Variants in KIAA1217 observed in about 807,000 individuals in gnomAD.
KIAA1217 encodes the protein KIAA1217, also known as sickle tail protein homolog.
A neutral mutation model predicts 163.9 loss-of-function variants in KIAA1217; 88 were observed. The ratio of observed to expected loss-of-function variants is 0.54; its 90% CI spans 0.45 to 0.64. The LOEUF (loss-of-function observed/expected upper bound fraction) is 0.64. KIAA1217 is among the 30% of genes least tolerant of loss of function. The probability of loss-of-function intolerance (pLI) is 0.00; values close to 1 mark genes in which losing one functional copy is unlikely to be tolerated. For missense variants in KIAA1217, 2,372 were observed against 2,475.0 expected (o/e 0.96, Z 0.88); for synonymous variants, 903 against 923.1 (o/e 0.98, Z 0.39).
chr10:24,458,044 G>A (rs2061986368), intron 5 of KIAA1217, among the ~76,000 whole-genome samples: 1 of 152,184 alleles, frequency 6.6e-6, no homozygotes, highest in Non-Finnish European at 1.5e-5. Context: ...AGCCTGGTGG[G>A]GAAGAAGGGA....
intron 1 of KIAA1217, among the ~76,000 whole-genome samples, chr10:23,723,475 G>C (rs1837972082): frequency 6.6e-6 from 1 of 151,922 alleles, no homozygotes; most frequent in Non-Finnish European, 1.5e-5. Flanking sequence ...ATGGCATAGT[G>C]GTCTCTTCTA....
intron 2 of KIAA1217, among the ~76,000 whole-genome samples, chr10:24,232,997 C>T (rs906291480): frequency 2.2e-5 from 3 of 138,930 alleles, no homozygotes; most frequent in African/African-American, 2.7e-5. Context: ...TAGTGGTGTA[C>T]ACCTACAGTC....
intron 1 of KIAA1217, among the ~76,000 whole-genome samples, chr10:23,918,282 G>A (rs530129574): frequency 1.1e-4 from 17 of 151,674 alleles, no homozygotes; most frequent in East Asian, 1.9e-4. Flanking sequence ...GGCATGAGCC[G>A]CTGTGCCCTA....
At chr10:23,875,716 A>G (rs1840658442) in intron 1 of KIAA1217, among the ~76,000 whole-genome samples, 1 of 152,062 alleles carries the variant, frequency 6.6e-6, no homozygotes, top group Non-Finnish European at 1.5e-5. Context: ...CAACAATGAT[A>G]GACTGGATTA....
chr10:24,093,412 T>C (rs12268480), intron 2 of KIAA1217, among the ~76,000 whole-genome samples: 2 of 151,486 alleles, frequency 1.3e-5, no homozygotes, highest in African/African-American at 4.9e-5. Flanking sequence ...TCTCCGATGA[T>C]CCACCCACCT....
intron 2 of KIAA1217, among the ~76,000 whole-genome samples, chr10:24,193,868 T>G (rs1047807043): frequency 2.0e-5 from 3 of 151,304 alleles, no homozygotes; most frequent in Admixed American, 6.6e-5. Flanking sequence ...TGCATGTTCA[T>G]GTACTTTGGT....
intron 2 of KIAA1217, among the ~76,000 whole-genome samples, chr10:24,298,556 G>C (rs961188450): frequency 1.3e-5 from 2 of 152,106 alleles, no homozygotes; most frequent in Non-Finnish European, 1.5e-5. Flanking sequence ...CCAGCACTTT[G>C]GGAGGCCGAA....
intron 1 of KIAA1217, among the ~76,000 whole-genome samples, chr10:23,965,706 C>A (rs1445772238): frequency 6.6e-6 from 1 of 152,166 alleles, no homozygotes; most frequent in Non-Finnish European, 1.5e-5. Flanking sequence ...TAACCCACAG[C>A]AACACATCTT....
chr10:24,206,818 A>G (rs1406540762), upstream of KIAA1217, among the ~76,000 whole-genome samples: 1 of 151,872 alleles, frequency 6.6e-6, no homozygotes, highest in Non-Finnish European at 1.5e-5. Flanking sequence ...CTTGGCCCGT[A>G]TGGGGGAGGG....
chr10:23,972,053 C>T (rs898372868), intron 1 of KIAA1217, among the ~76,000 whole-genome samples: 4 of 152,170 alleles, frequency 2.6e-5, no homozygotes, highest in Admixed American at 6.5e-5. Context: ...TGATGTCTTA[C>T]GTCTCCCCAA....
chr10:23,810,797 T>C (rs1312162810), intron 1 of KIAA1217, among the ~76,000 whole-genome samples: 2 of 126,100 alleles, frequency 1.6e-5, no homozygotes, highest in African/African-American at 3.1e-5. Flanking sequence ...AATTACTAAA[T>C]TATAATTACC....
chr10:23,861,210 G>T (rs1031969079), intron 1 of KIAA1217, among the ~76,000 whole-genome samples: 1 of 152,122 alleles, frequency 6.6e-6, no homozygotes, highest in Non-Finnish European at 1.5e-5. Context: ...ACTGTGCCTG[G>T]CCAGATCCTG....
intron 9 of KIAA1217, among the ~76,000 whole-genome samples, chr10:24,505,121 C>T (rs540681230): frequency 1.8e-4 from 27 of 152,064 alleles, no homozygotes; most frequent in African/African-American, 6.3e-4. Flanking sequence ...GTTTTTACCT[C>T]TTGGCTACAG....
chr10:24,383,385 C>T (rs921220077), intron 3 of KIAA1217, among the ~76,000 whole-genome samples: 5 of 151,908 alleles, frequency 3.3e-5, no homozygotes, highest in African/African-American at 9.7e-5. Context: ...CAGCCAAGAA[C>T]GGTTGGCAGT....
intron 9 of KIAA1217, among the ~76,000 whole-genome samples, chr10:24,508,782 A>G (rs568675714): frequency 3.9e-5 from 6 of 152,356 alleles, no homozygotes; most frequent in Non-Finnish European, 7.4e-5. Flanking sequence ...TCTGAACAAA[A>G]TAAGCTGGAC....
At chr10:23,740,658 C>A (rs1021884118) in intron 1 of KIAA1217, among the ~76,000 whole-genome samples, 1 of 152,070 alleles carries the variant, frequency 6.6e-6, no homozygotes, top group African/African-American at 2.4e-5. Flanking sequence ...TTATACCTGG[C>A]CTTGTTTTGA....
chr10:24,159,662 A>G (rs912196224), intron 2 of KIAA1217, among the ~76,000 whole-genome samples: 29 of 152,120 alleles, frequency 1.9e-4, no homozygotes, highest in Non-Finnish European at 4.1e-4. Context: ...AGACCCCTGT[A>G]GTCCCAGCTG....
chr10:24,121,603 A>C (rs147627998), intron 2 of KIAA1217, among the ~76,000 whole-genome samples: 76 of 152,340 alleles, frequency 5.0e-4, no homozygotes, highest in African/African-American at 1.8e-3. Context: ...GTTTTAAGTA[A>C]AATTTACTAT....
intron 2 of KIAA1217, among the ~76,000 whole-genome samples, chr10:24,135,287 A>G (rs1246542923): frequency 6.6e-6 from 1 of 152,198 alleles, no homozygotes; most frequent in African/African-American, 2.4e-5. Flanking sequence ...AAGATGAGAC[A>G]GATGTTCTGT....
Sources: gnomAD v4.1 joint callset for allele counts (sites outside exome capture counted in the v4.1 genomes callset) on GRCh38, gnomAD v4.1.1 for gene constraint, MANE v1.5 for transcripts, NCBI Gene and HGNC (gene_info 2026-07-23, HGNC 2026-07-21) for gene names.